The following HSPG2 variants were observed in gnomAD, a reference collection of about 807,000 sequenced individuals.
The protein encoded by HSPG2 is basement membrane-specific heparan sulfate proteoglycan core protein.
HSPG2 carries 278 observed loss-of-function variants against 526.6 expected under a neutral mutation model. That is an observed-to-expected ratio of 0.53 (90% CI 0.48 to 0.58). HSPG2 has a LOEUF of 0.58. HSPG2 is among the 20% of genes least tolerant of loss of function. The pLI is 0.00. For missense variants in HSPG2, 5,354 were observed against 6,099.5 expected (o/e 0.88, Z 4.07); for synonymous variants, 2,465 against 2,555.4 (o/e 0.96, Z 1.07).
chr1:21,888,405 G>C (rs770166417), intron 6 of HSPG2, among the ~76,000 whole-genome samples: 30 of 152,370 alleles, frequency 2.0e-4, no homozygotes, highest in Non-Finnish European at 3.4e-4. Flanking sequence ...GTCTTGGGCT[G>C]TGCCCAGCCA....
intron 1 of HSPG2, among the ~76,000 whole-genome samples, chr1:21,911,054 G>A (rs1204302530): frequency 6.6e-6 from 1 of 152,196 alleles, no homozygotes; most frequent in African/African-American, 2.4e-5. Flanking sequence ...GGGGAGCCAG[G>A]AGCCTGAAGT....
At chr1:21,913,459 G>A (rs1464884128) in intron 1 of HSPG2, among the ~76,000 whole-genome samples, 1 of 152,186 alleles carries the variant, frequency 6.6e-6, no homozygotes, top group Non-Finnish European at 1.5e-5. Flanking sequence ...TGTCACCTTC[G>A]ACCAGGAATG....
At chr1:21,874,262 T>C (rs1640876740) in intron 28 of HSPG2, 144 bp downstream of exon 28, 5 of 1,139,162 alleles carry the variant, frequency 4.4e-6, no homozygotes, top group Admixed American at 2.1e-5. Flanking sequence ...GAAAGTGAAG[T>C]GTATCTCACA....
chr1:21,831,611 G>T, intron 82 of HSPG2, 41 bp downstream of exon 82: 1 of 1,613,252 alleles, frequency 6.2e-7, no homozygotes, highest in Non-Finnish European at 8.5e-7. Context: ...GGGCAAGGGC[G>T]GGATGAGGGC....
intron 1 of HSPG2, among the ~76,000 whole-genome samples, chr1:21,926,970 G>A (rs1029520219): frequency 7.9e-5 from 12 of 152,158 alleles, no homozygotes; most frequent in African/African-American, 2.4e-4. Context: ...AGGAGGGGGA[G>A]GCCAGGACCA....
intron 1 of HSPG2, among the ~76,000 whole-genome samples, chr1:21,914,570 G>A (rs1643833598): frequency 1.3e-5 from 2 of 152,162 alleles, no homozygotes; most frequent in Admixed American, 1.3e-4. Context: ...CCATGGGGAG[G>A]AGCAGAAAGG....
At chr1:21,870,818 C>T in intron 33 of HSPG2, 1 of 986,314 alleles carries the variant, frequency 1.0e-6, no homozygotes, top group Non-Finnish European at 1.2e-6. Flanking sequence ...TCACACCACG[C>T]ACGTCCTGGG....
At chr1:21,912,495 G>GATC (rs1553178486) in intron 1 of HSPG2, among the ~76,000 whole-genome samples, 2 of 152,124 alleles carry the variant, frequency 1.3e-5, no homozygotes, top group African/African-American at 2.4e-5. Flanking sequence ...AGCTGGGAGG[G>GATC]ATCACCTAGC....
chr1:21,830,255 G>A, intron 85 of HSPG2, 164 bp from the exon 86 acceptor site: 1 of 636,982 alleles, frequency 1.6e-6, no homozygotes, highest in Non-Finnish European at 2.8e-6. Context: ...AGCAAGGCGG[G>A]AGCCAGAAGA....
In HSPG2 at chr1:21,857,024, G is replaced by T; in HGVS notation, c.5566C>A (p.His1856Asn). The T allele has an allele frequency of 6.2e-7, 1 of 1,614,142 alleles. No homozygotes were observed. Among genetic ancestry groups the T allele is most frequent in the Non-Finnish European group, 8.5e-7 (1 of 1,179,990 alleles). Reference protein sequence around the residue: ...FAMDQGTATLHVQASGTLSAP... With the variant: ...FAMDQGTATLNVQASGTLSAP... Reference sequence around the variant, plus strand: ...TAGATGGGAGGTGTACCCTGCACATGTAGAGTGGCTGTGCCCTGGTCCATG... The same window carrying T: ...TAGATGGGAGGTGTACCCTGCACATTTAGAGTGGCTGTGCCCTGGTCCATG... The change falls in exon 44 of 97, where the codon CAT (histidine) becomes AAT (asparagine). Residue 1856 changes from histidine to asparagine, a missense_variant. Physicochemically the swap from His to Asn is moderately conservative, Grantham distance 68 (BLOSUM62 1). Transcript: ENST00000374695.
chr1:21,900,147 G>C (rs1454921477), intron 1 of HSPG2, among the ~76,000 whole-genome samples: 3 of 152,218 alleles, frequency 2.0e-5, no homozygotes, highest in African/African-American at 7.2e-5. Flanking sequence ...GCATGTGTTG[G>C]AGCCAGACGG....
chr1:21,930,694 AAC>A (rs1491209373), intron 1 of HSPG2, among the ~76,000 whole-genome samples: 1 of 151,962 alleles, frequency 6.6e-6, no homozygotes, highest in African/African-American at 2.4e-5. Flanking sequence ...GAATCTCTTG[AAC>A]CTGGGGGGCA....
rs1458764026 is a variant in HSPG2, at chr1:21,859,095, T to C, written c.5293+471A>G. Among the ~76,000 whole-genome samples, 2 of 152,076 alleles carry C rather than the reference T, an allele frequency of 1.3e-5. No individual in the cohort carries two copies. The highest frequency in any genetic ancestry group is 2.9e-5 in the Non-Finnish European group (2 of 68,014). On this transcript the variant is annotated intron_variant, in intron 42 of 96. Coordinates refer to ENST00000374695, the MANE Select transcript of HSPG2 (RefSeq NM_005529.7). This position sits in a 1 kb window ranked among gnomAD's most constrained non-coding sequence, Gnocchi z 5.3. ...CAGAGTCTTGCTCTGTTGCCCAGGC[T>C]GGAGTGCAGTGGCGCAATCTTGGCT... is the stretch of plus-strand genomic sequence containing the variant.
rs1448736066 is a variant in HSPG2 at position 21,865,734 on chromosome 1, G to A, written c.4297C>T (p.Pro1433Ser). 2 of 1,613,602 alleles carry A rather than the reference G, an allele frequency of 1.2e-6. No homozygotes were observed. Among genetic ancestry groups the A allele is most frequent in the Non-Finnish European group, 1.7e-6 (2 of 1,179,834 alleles). The part of the protein sequence containing the change: ...AGPQGSPLSD[P>S]DVQITGNNIM... ...ATGCTCACCGTGATCTGCACATCGG[G>A]GTCAGAGAGTGGGCTGCCCTGTGGG... Residue 1433 changes from proline (P) to serine (S), a missense_variant, in exon 34 of 97, where the codon CCC becomes TCC. Coordinates refer to ENST00000374695, the MANE Select transcript of HSPG2 (RefSeq NM_005529.7). The surrounding 1 kb of genome is among the most constrained non-coding windows in gnomAD (Gnocchi z 5.4).
chr1:21,907,462 T>C (rs1447520353), intron 1 of HSPG2, among the ~76,000 whole-genome samples: 1 of 152,174 alleles, frequency 6.6e-6, no homozygotes, highest in East Asian at 1.9e-4. Context: ...AGGGCCACTC[T>C]GGACAGGAGT....
At chr1:21,899,590 A>G (rs969882463) in intron 1 of HSPG2, among the ~76,000 whole-genome samples, 2 of 152,186 alleles carry the variant, frequency 1.3e-5, no homozygotes, top group African/African-American at 2.4e-5. Flanking sequence ...CCACTGTGCT[A>G]TATCACCTCT....
Position 21,848,664 on chromosome 1 carries a change from G to A in HSPG2, c.7716C>T (p.Gly2572=). 1 of 1,613,496 alleles carries A rather than the reference G, an allele frequency of 6.2e-7. No individual in the cohort carries two copies. The highest frequency in any genetic ancestry group is 8.5e-7 in the Non-Finnish European group (1 of 1,180,012). ...GTACCTGGTGCCGGCTGGGTAAGCTGCCTCCACGCTTATACCAGGTGATGG... is the reference window on the plus strand; with the variant it reads ...GTACCTGGTGCCGGCTGGGTAAGCTACCTCCACGCTTATACCAGGTGATGG... ...PHTITWYKRG[G]SLPSRHQIVG... The change falls in exon 59 of 97, where the codon GGC becomes GGT. Residue 2572 remains glycine (G), a synonymous_variant. Transcript: ENST00000374695. This position sits in a 1 kb window ranked among gnomAD's most constrained non-coding sequence, Gnocchi z 4.9.
chr1:21,843,803 T>C (rs563033836), intron 65 of HSPG2, among the ~76,000 whole-genome samples: 2 of 152,274 alleles, frequency 1.3e-5, no homozygotes, highest in African/African-American at 2.4e-5. Flanking sequence ...TCTGCCACCA[T>C]GCCTGGCCAA....
rs770419324 is a variant in HSPG2, at chr1:21,861,821, G to A, written c.4891C>T (p.Leu1631=). The A allele has an allele frequency of 3.1e-6, 5 of 1,613,744 alleles. No homozygotes were observed. Among genetic ancestry groups the A allele is most frequent in the Non-Finnish European group, 4.2e-6 (5 of 1,180,028 alleles). The change falls in exon 39 of 97, where the codon CTG becomes TTG. Residue 1631 remains leucine (L), a synonymous_variant. Coordinates refer to ENST00000374695, the MANE Select transcript of HSPG2 (RefSeq NM_005529.7). ...ENMFSRTCES[L]GAGGYRCTAC... is the part of the protein sequence containing the mutation. ...GTGCAGCGGTACCCGCCGGCTCCCAGGCTCTCACAGGTGCGGGAAAACCTG... is the reference window on the plus strand; with the variant it reads ...GTGCAGCGGTACCCGCCGGCTCCCAAGCTCTCACAGGTGCGGGAAAACCTG...
Sources: gnomAD v4.1 joint callset for allele counts (sites outside exome capture counted in the v4.1 genomes callset) on GRCh38, gnomAD v4.1.1 for gene constraint, Gnocchi (gnomAD v3.1) non-coding constraint, MANE v1.5 for transcripts, NCBI Gene and HGNC (gene_info 2026-07-23, HGNC 2026-07-21) for gene names.